Variants in JAK1 observed in about 807,000 individuals in gnomAD.
The protein encoded by JAK1 is Janus kinase 1, also known as tyrosine-protein kinase JAK1.
A neutral mutation model predicts 136.6 loss-of-function variants in JAK1; 16 were observed. The ratio of observed to expected loss-of-function variants is 0.12; its 90% CI spans 0.08 to 0.18. The LOEUF (loss-of-function observed/expected upper bound fraction) is 0.18. JAK1 is among the 10% of genes least tolerant of loss of function. JAK1 has a pLI of 1.00. For missense variants in JAK1, 859 were observed against 1,450.1 expected, an observed-to-expected ratio of 0.59 and a Z score of 6.62; for synonymous variants, 492 against 519.5, an observed-to-expected ratio of 0.95 and a Z score of 0.72.
At chr1:64,932,418 A>T (rs1233334514) in intron 1 of JAK1, among the ~76,000 whole-genome samples, 2 of 152,198 alleles carry the variant, frequency 1.3e-5, no homozygotes, top group Non-Finnish European at 2.9e-5. Flanking sequence ...TCTCAAAAAA[A>T]TAATTAAATA....
At chr1:65,055,467 C>T (rs540813559) in intron 1 of JAK1, among the ~76,000 whole-genome samples, 3 of 152,190 alleles carry the variant, frequency 2.0e-5, no homozygotes, top group South Asian at 2.1e-4. Flanking sequence ...CATGGGTATA[C>T]AATATCTGTC....
At chr1:64,881,495 G>C (rs1426022342) in intron 3 of JAK1, among the ~76,000 whole-genome samples, 2 of 151,982 alleles carry the variant, frequency 1.3e-5, no homozygotes, top group Non-Finnish European at 2.9e-5. Context: ...ACCCCACAGA[G>C]GTGAAAAACA....
chr1:64,984,683 A>G lies in JAK1; in HGVS notation c.-78+59797T>C. ...ACACAGTCCTTCCAGATCTATTTGCATCGTGTGCCTGCCCCTCAAAGGCCT... is the reference window on the plus strand; with the variant it reads ...ACACAGTCCTTCCAGATCTATTTGCGTCGTGTGCCTGCCCCTCAAAGGCCT... On this transcript the variant is annotated intron_variant, in intron 2 of 25. Coordinates refer to the JAK1 transcript ENST00000671954. The surrounding 1 kb of genome is among the most constrained non-coding windows in gnomAD (Gnocchi z 4.1). The G allele has an allele frequency of 3.3e-6, 2 of 609,048 alleles. No homozygotes were observed. The highest frequency in any genetic ancestry group is 5.9e-6 in the Non-Finnish European group (2 of 337,136). 37.7% of individuals were successfully genotyped at this position (609,048 alleles called of 1,614,324 possible).
Position 64,983,595 on chromosome 1 carries a change from G to A in JAK1, c.-78+60885C>T, listed in dbSNP as rs372137059. ...TTATTTTAGGTTTCTCATTTGGATG[G>A]CTCTACCACCAGATGGGTGGTGGGG... On this transcript the variant is annotated intron_variant, in intron 2 of 25. Coordinates refer to the JAK1 transcript ENST00000671954. Among the ~76,000 whole-genome samples, 165 of 152,244 alleles carry A rather than the reference G, an allele frequency of 1.1e-3. 1 individual carries two copies. The South Asian group carries it at 0.033, about 30-fold the overall frequency.
intron 1 of JAK1, among the ~76,000 whole-genome samples, chr1:65,053,053 A>AAAAAAAAAAAG (rs1553185113): frequency 2.2e-5 from 3 of 133,780 alleles, no homozygotes; most frequent in African/African-American, 8.5e-5. Context: ...AAAAAAAAAA[A>AAAAAAAAAAAG]AAAGACTAGA....
At chr1:64,923,814 G>A (rs1222280635) in intron 1 of JAK1, among the ~76,000 whole-genome samples, 1 of 151,986 alleles carries the variant, frequency 6.6e-6, no homozygotes, top group Non-Finnish European at 1.5e-5. Flanking sequence ...TCAGACCAAC[G>A]GTTCCCAACG....
chr1:64,976,070 G>A (rs1486646853), intron 2 of JAK1, among the ~76,000 whole-genome samples: 3 of 152,214 alleles, frequency 2.0e-5, no homozygotes, highest in African/African-American at 7.2e-5. Flanking sequence ...TGGGTCACTG[G>A]GAGTGATGGT....
intron 1 of JAK1, among the ~76,000 whole-genome samples, chr1:64,903,215 C>T (rs552685459): frequency 1.3e-5 from 2 of 152,260 alleles, no homozygotes; most frequent in East Asian, 1.9e-4. Context: ...TTAGTAGAGA[C>T]GGGGTTTCAC....
At chr1:64,858,703 T>C (rs1382074043) in intron 9 of JAK1, among the ~76,000 whole-genome samples, 2 of 152,184 alleles carry the variant, frequency 1.3e-5, no homozygotes, top group East Asian at 3.8e-4. Flanking sequence ...GGGAAGCTCA[T>C]ATTCTGGGAG....
At chr1:65,046,888 T>C (rs1446165423) in intron 1 of JAK1, among the ~76,000 whole-genome samples, 1 of 150,280 alleles carries the variant, frequency 6.7e-6, no homozygotes, top group Non-Finnish European at 1.5e-5. Context: ...TTTTTTTTTT[T>C]TTTGGTTAAC....
intron 2 of JAK1, among the ~76,000 whole-genome samples, chr1:65,034,828 G>A (rs1647058584): frequency 6.6e-6 from 1 of 152,144 alleles, no homozygotes. Flanking sequence ...GCCAAGGCGG[G>A]CGGATCACTT....
At position 64,841,314 on chromosome 1, in the gene JAK1, T is replaced by G. The variant is rs202179869; in HGVS notation, c.2580A>C (p.Lys860Asn). ...GTGTGGGGTCCACTTCAGTTGCTGG[T>G]TTTTTTTCTGAAACAATATCTGGAT... The part of the protein sequence containing the change: ...EQNPDIVSEK[K>N]PATEVDPTHF... Residue 860 changes from lysine to asparagine, a missense_variant, in exon 19 of 25, where the codon AAA (lysine) becomes AAC (asparagine). Physicochemically the swap from Lys to Asn is moderately conservative, Grantham distance 94. Coordinates refer to ENST00000342505, the MANE Select transcript of JAK1 (RefSeq NM_002227.4). 2.5e-5 allele frequency: 40 copies of G among 1,613,608 alleles called. No homozygotes were observed. Among genetic ancestry groups the G allele is most frequent in the Middle Eastern group, 3.3e-4 (2 of 6,058 alleles).
At chr1:65,001,681 G>C (rs904396941) in intron 2 of JAK1, among the ~76,000 whole-genome samples, 4 of 94,530 alleles carry the variant, frequency 4.2e-5, no homozygotes, top group African/African-American at 6.2e-5. Flanking sequence ...GTGTGTGTGG[G>C]GGGGGGGGTA....
Position 64,902,583 on chromosome 1 carries a change from A to AGAGAGAGAGAGAGTGT in JAK1, c.-77-16243_-77-16242insACACTCTCTCTCTCTC. Among the ~76,000 whole-genome samples, 688 of 73,796 alleles carry AGAGAGAGAGAGAGTGT rather than the reference A, an allele frequency of 9.3e-3. 11 individuals carry two copies. The highest frequency in any genetic ancestry group is 0.021 in the South Asian group (33 of 1,574). The allele number at this position is 73,796 out of a possible 152,430, so 48.4% of individuals were successfully genotyped here. A position where few individuals can be genotyped will look rare whatever the true frequency, so the allele number is the denominator to read the frequency against. ...GAGAGAGAGAGAGAGAGAGAGAGAG[A>AGAGAGAGAGAGAGTGT]GTGTGTGTGTGTGTGTGTGTGTGTG... On this transcript the variant is annotated intron_variant, in intron 1 of 24. Transcript: ENST00000342505.
intron 2 of JAK1, among the ~76,000 whole-genome samples, chr1:65,019,193 T>A (rs1020675655): frequency 6.6e-6 from 1 of 151,886 alleles, no homozygotes; most frequent in Non-Finnish European, 1.5e-5. Context: ...CATAAACACA[T>A]ACAAGAAGGA....
intron 12 of JAK1, among the ~76,000 whole-genome samples, chr1:64,849,324 G>A (rs1655439888): frequency 6.6e-6 from 1 of 152,066 alleles, no homozygotes; most frequent in Admixed American, 6.5e-5. Flanking sequence ...TGAGTAGCTG[G>A]GACTACAGCT....
intron 2 of JAK1, among the ~76,000 whole-genome samples, chr1:64,977,434 G>A (rs113311872): frequency 0.051 from 7,754 of 150,664 alleles, 272 homozygotes; most frequent in South Asian, 0.1. Context: ...TTACAGGCAT[G>A]AGCCACTGCA....
intron 23 of JAK1, 38 bp downstream of exon 23, chr1:64,836,060 G>T: frequency 9.1e-7 from 1 of 1,102,330 alleles, no homozygotes; most frequent in South Asian, 1.3e-5. Context: ...CATTTTAAAT[G>T]GGTACTGGAT....
intron 1 of JAK1, among the ~76,000 whole-genome samples, chr1:64,932,391 G>C (rs1645713369): frequency 6.6e-6 from 1 of 152,098 alleles, no homozygotes; most frequent in African/African-American, 2.4e-5. Context: ...ACAGCCTGGC[G>C]ACAGAGCGAG....
Sources: allele counts gnomAD v4.1 joint callset (sites outside exome capture counted in the v4.1 genomes callset), GRCh38; gene constraint gnomAD v4.1.1; non-coding constraint Gnocchi (gnomAD v3.1); transcripts MANE v1.5; gene names NCBI Gene and HGNC (gene_info 2026-07-23, HGNC 2026-07-21).